SLC38A12: variants seen among roughly 807,000 people sequenced by gnomAD.
SLC38A12 encodes the protein putative sodium-coupled neutral amino acid transporter 12.
At chr17:74,815,569 A>G in the SLC38A12 span, among the ~76,000 whole-genome samples, 1 of 152,178 alleles carries the variant, frequency 6.6e-6, no homozygotes, top group Non-Finnish European at 1.5e-5. Flanking sequence ...GGTGCGGTTA[A>G]AGGACATAAC....
chr17:74,808,192 C>T, the SLC38A12 span, among the ~76,000 whole-genome samples: 1 of 152,250 alleles, frequency 6.6e-6, no homozygotes, highest in Non-Finnish European at 1.5e-5. Flanking sequence ...TGGGCCAGCC[C>T]AGTCCTGCCC....
the SLC38A12 span, among the ~76,000 whole-genome samples, chr17:74,824,304 G>A: frequency 6.6e-6 from 1 of 152,196 alleles, no homozygotes; most frequent in Admixed American, 6.5e-5. Flanking sequence ...TCACAGAGGG[G>A]CAGGGGCTCT....
chr17:74,836,635 C>A, the SLC38A12 span: 1 of 1,612,496 alleles, frequency 6.2e-7, no homozygotes, highest in African/African-American at 1.3e-5. The surrounding 1 kb of genome is among the most constrained non-coding windows in gnomAD (Gnocchi z 4.2). Flanking sequence ...TGGGCTTTCT[C>A]CTGCTTCATT....
At chr17:74,794,728 G>A in the SLC38A12 span, among the ~76,000 whole-genome samples, 32 of 152,022 alleles carry the variant, frequency 2.1e-4, no homozygotes, top group Admixed American at 5.9e-4. Context: ...CACACTCACC[G>A]TGCACCTGTC....
chr17:74,800,899 C>A, the SLC38A12 span, among the ~76,000 whole-genome samples: 3 of 152,182 alleles, frequency 2.0e-5, no homozygotes, highest in African/African-American at 7.2e-5. Flanking sequence ...TGGGTTGGCC[C>A]GTCTAGAAAC....
At chr17:74,805,902 A>G in the SLC38A12 span, among the ~76,000 whole-genome samples, 5 of 152,208 alleles carry the variant, frequency 3.3e-5, no homozygotes, top group African/African-American at 1.2e-4. This position sits in a 1 kb window ranked among gnomAD's most constrained non-coding sequence, Gnocchi z 5.0. Context: ...GGGCGATGGC[A>G]CTGCCTCCTC....
At chr17:74,787,164 C>T in the SLC38A12 span, among the ~76,000 whole-genome samples, 1 of 152,188 alleles carries the variant, frequency 6.6e-6, no homozygotes, top group Non-Finnish European at 1.5e-5. Flanking sequence ...GAGCTGGCTG[C>T]TCCCCCAGAG....
At chr17:74,780,707 G>T in the SLC38A12 span, among the ~76,000 whole-genome samples, 2 of 152,136 alleles carry the variant, frequency 1.3e-5, no homozygotes, top group Non-Finnish European at 2.9e-5. Flanking sequence ...CTGAATGCTC[G>T]CCAGGAGTGC....
the SLC38A12 span, among the ~76,000 whole-genome samples, chr17:74,805,758 C>T: frequency 2.0e-4 from 31 of 152,312 alleles, no homozygotes; most frequent in South Asian, 6.4e-3. This position sits in a 1 kb window ranked among gnomAD's most constrained non-coding sequence, Gnocchi z 5.0. Flanking sequence ...TCCTCCAGCT[C>T]CTGCTGGAGC....
chr17:74,839,312 G>A, the SLC38A12 span: 63 of 840,770 alleles, frequency 7.5e-5, no homozygotes, highest in South Asian at 5.6e-5. Flanking sequence ...GCAAAGGCCA[G>A]AGTCAGAGTG....
chr17:74,819,229 C>T, the SLC38A12 span, among the ~76,000 whole-genome samples: 1,702 of 152,304 alleles, frequency 0.011, 39 homozygotes, highest in Non-Finnish European at 0.012. Context: ...ATGCACATCC[C>T]GATCACTCCT....
the SLC38A12 span, among the ~76,000 whole-genome samples, chr17:74,787,479 G>A: frequency 0.074 from 11,118 of 150,942 alleles, 618 homozygotes; most frequent in African/African-American, 0.15. Context: ...AAAATTAGCC[G>A]GGCGCGGTGG....
chr17:74,794,735 T>C, the SLC38A12 span, among the ~76,000 whole-genome samples: 1 of 152,078 alleles, frequency 6.6e-6, no homozygotes, highest in African/African-American at 2.4e-5. Flanking sequence ...ACCGTGCACC[T>C]GTCTGGCTTC....
At chr17:74,791,810 T>C in the SLC38A12 span, among the ~76,000 whole-genome samples, 1 of 152,252 alleles carries the variant, frequency 6.6e-6, no homozygotes, top group Non-Finnish European at 1.5e-5. Flanking sequence ...CGACATCTTA[T>C]ATCTCCATGG....
chr17:74,810,994 T>C, the SLC38A12 span, among the ~76,000 whole-genome samples: 7 of 152,232 alleles, frequency 4.6e-5, no homozygotes, highest in Non-Finnish European at 1.0e-4. Flanking sequence ...AGAGCATTTG[T>C]ACTGTAGTTG....
the SLC38A12 span, among the ~76,000 whole-genome samples, chr17:74,787,163 G>C: frequency 6.6e-6 from 1 of 152,190 alleles, no homozygotes; most frequent in Non-Finnish European, 1.5e-5. Flanking sequence ...AGAGCTGGCT[G>C]CTCCCCCAGA....
the SLC38A12 span, among the ~76,000 whole-genome samples, chr17:74,782,022 A>G: frequency 6.6e-6 from 1 of 152,116 alleles, no homozygotes; most frequent in African/African-American, 2.4e-5. Flanking sequence ...CACTGTTTCC[A>G]ATGCTTTCCC....
At chr17:74,832,905 A>G in the SLC38A12 span, among the ~76,000 whole-genome samples, 1 of 152,224 alleles carries the variant, frequency 6.6e-6, no homozygotes, top group African/African-American at 2.4e-5. Flanking sequence ...TAAGACAATC[A>G]AAAGAATGAA....
the SLC38A12 span, among the ~76,000 whole-genome samples, chr17:74,789,361 C>G: frequency 6.6e-6 from 1 of 151,864 alleles, no homozygotes; most frequent in Admixed American, 6.6e-5. Context: ...GAAACCTCAT[C>G]TCTACTAAAA....
Sources: allele counts gnomAD v4.1 joint callset (sites outside exome capture counted in the v4.1 genomes callset), GRCh38; gene constraint gnomAD v4.1.1; non-coding constraint Gnocchi (gnomAD v3.1); transcripts MANE v1.5; gene names NCBI Gene and HGNC (gene_info 2026-07-23, HGNC 2026-07-21).